RNF10: variants seen among roughly 807,000 people sequenced by gnomAD.
RNF10 encodes E3 ubiquitin-protein ligase RNF10.
In RNF10, 38 loss-of-function variants were observed where a neutral mutation model predicts 91.4. The ratio of observed to expected loss-of-function variants is 0.42; its 90% confidence interval spans 0.32 to 0.54. The LOEUF is 0.54. Ranked by LOEUF, RNF10 falls within the 20% of genes least tolerant of loss-of-function variation. The pLI is 0.16. For synonymous variants in RNF10, 364 were observed against 366.3 expected (o/e 0.99, Z 0.07); for missense variants, 945 against 1,012.0 (o/e 0.93, Z 0.90).
chr12:120,559,006 AATTC>A (rs999867048), intron 6 of RNF10, among the ~76,000 whole-genome samples: 1 of 151,298 alleles, frequency 6.6e-6, no homozygotes, highest in Non-Finnish European at 1.5e-5. Context: ...TAATTAATTA[AATTC>A]ATTAAAATAA....
chr12:120,576,693 A>C lies in RNF10; in HGVS notation c.*27A>C, dbSNP rs997646098. 2 of 1,588,928 alleles carry C rather than the reference A, an allele frequency of 1.3e-6. No homozygotes were observed. Among genetic ancestry groups the C allele is most frequent in the Non-Finnish European group, 1.7e-6 (2 of 1,173,076 alleles). The stretch of plus-strand genomic sequence containing the variant: ...ACTACTGGCCCAGGCTACCTTCTCC[A>C]TCTGGTTTTTGTTTTTGTTTTTTTT... On this transcript the variant is annotated 3_prime_UTR_variant, in exon 17 of 17. Coordinates refer to ENST00000325954, the MANE Select transcript of RNF10 (RefSeq NM_014868.5).
intron 14 of RNF10, among the ~76,000 whole-genome samples, chr12:120,571,609 T>G (rs1249013167): frequency 6.6e-6 from 1 of 152,216 alleles, no homozygotes; most frequent in African/African-American, 2.4e-5. Context: ...CAGATGTTAC[T>G]GTAGACGTAC....
chr12:120,539,405 T>A, intron 1 of RNF10: 1 of 1,289,024 alleles, frequency 7.8e-7, no homozygotes, highest in Non-Finnish European at 1.0e-6. Flanking sequence ...TGTTGTCAGT[T>A]GATTCTGTAG....
chr12:120,534,786 T>A lies in RNF10; in HGVS notation c.-26T>A. 6.5e-7 allele frequency: 1 copy of A among 1,545,088 alleles called. No homozygotes were observed. The highest frequency in any genetic ancestry group is 2.4e-5 in the East Asian group (1 of 41,508). On this transcript the variant is annotated 5_prime_UTR_variant, in exon 1 of 17. Transcript: ENST00000325954. ...CCCGCCGCGCCCGCTCCGCTCCGAC[T>A]GCCGTCGCCGCCGAGGCCCCCGTTG...
intron 13 of RNF10, 71 bp from the exon 14 acceptor site, chr12:120,571,120 C>T (rs1357376726): frequency 2.1e-6 from 2 of 955,248 alleles, no homozygotes; most frequent in Admixed American, 2.0e-5. Flanking sequence ...ACTCAGGGCT[C>T]ACTCATCTCT....
At chr12:120,564,514 C>T (rs939596509) in intron 10 of RNF10, among the ~76,000 whole-genome samples, 1 of 152,072 alleles carries the variant, frequency 6.6e-6, no homozygotes, top group South Asian at 2.1e-4. Context: ...TGTCCCAGCT[C>T]CTCAGGAGGC....
intron 7 of RNF10, 82 bp downstream of exon 7, chr12:120,560,968 A>G (rs1874759391): frequency 7.1e-7 from 1 of 1,405,504 alleles, no homozygotes; most frequent in African/African-American, 1.4e-5. Flanking sequence ...AAACCTTTTC[A>G]CTCTGTCGGG....
intron 1 of RNF10, among the ~76,000 whole-genome samples, chr12:120,536,000 A>G (rs1183025135): frequency 2.0e-5 from 3 of 152,112 alleles, no homozygotes; most frequent in African/African-American, 4.8e-5. Flanking sequence ...TCTCTTTTGT[A>G]TTTCAGTCAC....
At chr12:120,540,943 C>A (rs1011695120) in intron 1 of RNF10, among the ~76,000 whole-genome samples, 1 of 151,802 alleles carries the variant, frequency 6.6e-6, no homozygotes, top group Non-Finnish European at 1.5e-5. Context: ...GCAACCTCCA[C>A]CTCCCGGGTT....
intron 4 of RNF10, among the ~76,000 whole-genome samples, chr12:120,556,962 C>G (rs907306548): frequency 6.6e-6 from 1 of 151,778 alleles, no homozygotes. Flanking sequence ...ACCATCCTGG[C>G]TAACACAGTG....
intron 16 of RNF10, among the ~76,000 whole-genome samples, chr12:120,576,376 C>T (rs532960621): frequency 9.8e-5 from 15 of 152,336 alleles, no homozygotes; most frequent in African/African-American, 1.9e-4. Flanking sequence ...GTGTACCTCA[C>T]GTTACAGATG....
intron 1 of RNF10, among the ~76,000 whole-genome samples, chr12:120,535,836 C>T (rs968526091): frequency 1.3e-5 from 2 of 152,144 alleles, no homozygotes; most frequent in Non-Finnish European, 2.9e-5. Flanking sequence ...GTTTTTACCT[C>T]TGTTTTCACT....
At position 120,563,934 on chromosome 12, in the gene RNF10, C is replaced by G; in HGVS notation, c.1656C>G (p.Ser552=). The G allele has an allele frequency of 6.2e-7, 1 of 1,614,162 alleles. No individual in the cohort carries two copies. Among genetic ancestry groups the G allele is most frequent in the Non-Finnish European group, 8.5e-7 (1 of 1,180,024 alleles). Reference sequence around the variant, plus strand: ...CTGTGGTGGAGATTGCTGGCTACTCCATGTCTGAGGTGAGGCCTTCCTGTA... The same window carrying G: ...CTGTGGTGGAGATTGCTGGCTACTCGATGTCTGAGGTGAGGCCTTCCTGTA... The part of the protein sequence containing the change: ...SATVVEIAGY[S]MSEDVRQRHR... Residue 552 remains serine, a synonymous_variant, in exon 10 of 17, where the codon TCC becomes TCG. Transcript: ENST00000325954.
At chr12:120,557,814 C>T in intron 6 of RNF10, 132 bp downstream of exon 6, 2 of 985,910 alleles carry the variant, frequency 2.0e-6, no homozygotes, top group Non-Finnish European at 3.1e-6. Flanking sequence ...CATAGGATTC[C>T]AGTAGGTTAG....
chr12:120,563,883 G>GA lies in RNF10; in HGVS notation c.1606dup (p.Arg536LysfsTer20). ...TCGTGCGGGAGTACGGCAGCCTGGA[G>GA]AGGAGCCCCGAGAAGATCTCAGCAA... On this transcript the variant is annotated frameshift_variant, in exon 10 of 17. Coordinates refer to ENST00000325954, the MANE Select transcript of RNF10 (RefSeq NM_014868.5). LOFTEE classifies it high-confidence loss of function. The GA allele has an allele frequency of 6.2e-7, 1 of 1,614,170 alleles. No individual in the cohort carries two copies.
chr12:120,539,330 A>G, intron 1 of RNF10: 1 of 1,050,440 alleles, frequency 9.5e-7, no homozygotes, highest in East Asian at 5.9e-5. Context: ...TGGCATGTGC[A>G]TCATTCCTGA....
chr12:120,553,219 G>A (rs1206440221), intron 3 of RNF10, among the ~76,000 whole-genome samples: 1 of 150,432 alleles, frequency 6.6e-6, no homozygotes, highest in Non-Finnish European at 1.5e-5. Flanking sequence ...GAATAGCTGG[G>A]ACTACAGGTG....
chr12:120,559,306 T>C (rs1052821618), intron 6 of RNF10, among the ~76,000 whole-genome samples: 2 of 151,148 alleles, frequency 1.3e-5, no homozygotes, highest in Non-Finnish European at 2.9e-5. Context: ...CTCAGCTTCC[T>C]GAGTAGCTGG....
At chr12:120,540,301 C>A (rs373432892) in intron 1 of RNF10, among the ~76,000 whole-genome samples, 14 of 151,914 alleles carry the variant, frequency 9.2e-5, no homozygotes, top group African/African-American at 3.4e-4. Flanking sequence ...ACCCGTGGGT[C>A]CTGGGCATTC....
Sources: allele counts gnomAD v4.1 joint callset (sites outside exome capture counted in the v4.1 genomes callset), GRCh38; gene constraint gnomAD v4.1.1; transcripts MANE v1.5; gene names NCBI Gene and HGNC (gene_info 2026-07-23, HGNC 2026-07-21).